The following PTPRR variants were observed in gnomAD, a reference collection of about 807,000 sequenced individuals.
PTPRR encodes protein tyrosine phosphatase receptor type R.
PTPRR carries 38 observed loss-of-function variants against 77.2 expected under a neutral mutation model. The observed-to-expected ratio is 0.49, with a 90% CI of 0.38 to 0.65. The LOEUF is 0.65. Among genes scored for constraint, PTPRR ranks in the 30% least tolerant of loss-of-function variants. PTPRR has a pLI of 0.00. For synonymous variants in PTPRR, 299 were observed against 283.1 expected (o/e 1.06, Z -0.57); for missense variants, 744 against 799.2 (o/e 0.93, Z 0.83).
intron 1 of PTPRR, among the ~76,000 whole-genome samples, chr12:70,900,052 T>C (rs1378150736): frequency 6.6e-6 from 1 of 151,472 alleles, no homozygotes; most frequent in Non-Finnish European, 1.5e-5. Flanking sequence ...ACAACAAATA[T>C]ACTATGTTCA....
intron 7 of PTPRR, among the ~76,000 whole-genome samples, chr12:70,700,576 G>T (rs1888386281): frequency 6.6e-6 from 1 of 152,064 alleles, no homozygotes; most frequent in Non-Finnish European, 1.5e-5. Context: ...ACTTCTTGTA[G>T]ATTCCTACAG....
chr12:70,738,486 T>C (rs1889946191), intron 6 of PTPRR, among the ~76,000 whole-genome samples: 1 of 152,220 alleles, frequency 6.6e-6, no homozygotes. Flanking sequence ...TTGCACAGTG[T>C]TTACTTGTAA....
chr12:70,726,712 C>G (rs11178379), intron 6 of PTPRR, among the ~76,000 whole-genome samples: 2 of 151,746 alleles, frequency 1.3e-5, no homozygotes, highest in Admixed American at 1.3e-4. Context: ...TCCCAAGTAG[C>G]TGGGATTACA....
At chr12:70,919,673 G>GTTTTTTTTTTTTTTTT (rs58439089) in intron 1 of PTPRR, among the ~76,000 whole-genome samples, 5 of 110,082 alleles carry the variant, frequency 4.5e-5, no homozygotes, top group South Asian at 2.9e-4. Flanking sequence ...AACTGTAATT[G>GTTTTTTTTTTTTTTTT]TTTTTTTTTT....
intron 1 of PTPRR, among the ~76,000 whole-genome samples, chr12:70,917,009 A>G (rs770492704): frequency 1.2e-3 from 185 of 152,212 alleles, no homozygotes; most frequent in Non-Finnish European, 2.3e-3. Flanking sequence ...AATTTTTAAT[A>G]TATCTCAAAA....
intron 2 of PTPRR, among the ~76,000 whole-genome samples, chr12:70,803,649 A>G (rs1891656936): frequency 6.6e-6 from 1 of 152,148 alleles, no homozygotes; most frequent in Non-Finnish European, 1.5e-5. Flanking sequence ...GGAGAAACAG[A>G]AGGAAGTCAT....
At chr12:70,771,069 G>A (rs1463962078) in intron 2 of PTPRR, among the ~76,000 whole-genome samples, 1 of 151,464 alleles carries the variant, frequency 6.6e-6, no homozygotes, top group African/African-American at 2.4e-5. Flanking sequence ...ACGAGTCAAC[G>A]GGTGCAGCAC....
At chr12:70,747,072 C>G (rs543137201) in intron 5 of PTPRR, among the ~76,000 whole-genome samples, 15 of 152,242 alleles carry the variant, frequency 9.9e-5, no homozygotes, top group African/African-American at 3.6e-4. Flanking sequence ...TTTATAATAA[C>G]TACTTTCAAG....
At chr12:70,715,032 T>TG (rs916182147) in intron 6 of PTPRR, among the ~76,000 whole-genome samples, 8 of 151,908 alleles carry the variant, frequency 5.3e-5, no homozygotes, top group African/African-American at 2.4e-5. Flanking sequence ...TAATTTTTTT[T>TG]TTGTTATTTA....
At chr12:70,796,642 A>G (rs546912388) in intron 2 of PTPRR, among the ~76,000 whole-genome samples, 17 of 152,326 alleles carry the variant, frequency 1.1e-4, no homozygotes, top group East Asian at 9.7e-4. Flanking sequence ...GGGGATCACA[A>G]TAGACATAAA....
At chr12:70,757,589 GT>G (rs1005886478) in intron 4 of PTPRR, among the ~76,000 whole-genome samples, 8 of 152,000 alleles carry the variant, frequency 5.3e-5, no homozygotes, top group Admixed American at 6.6e-5. Flanking sequence ...TTCTAGTTGG[GT>G]TTTTTTGTTT....
intron 10 of PTPRR, among the ~76,000 whole-genome samples, chr12:70,663,458 C>T (rs571018794): frequency 6.6e-6 from 1 of 152,264 alleles, no homozygotes; most frequent in Non-Finnish European, 1.5e-5. Flanking sequence ...ATAGAGTAAG[C>T]ACTTACAACA....
intron 10 of PTPRR, among the ~76,000 whole-genome samples, chr12:70,669,451 T>A (rs1887129759): frequency 2.7e-5 from 4 of 146,782 alleles, no homozygotes; most frequent in Admixed American, 1.4e-4. Flanking sequence ...TATATGCTAT[T>A]TATATATATA....
intron 2 of PTPRR, among the ~76,000 whole-genome samples, chr12:70,851,747 A>G (rs369095949): frequency 5.9e-5 from 9 of 152,242 alleles, no homozygotes; most frequent in African/African-American, 2.2e-4. Context: ...AAAAATGCCT[A>G]TTGTAAATGC....
rs752171922 is a variant in PTPRR at position 70,656,798 on chromosome 12, C to G, written c.1786G>C (p.Gly596Arg). The G allele has an allele frequency of 6.2e-7, 1 of 1,612,336 alleles. No individual in the cohort carries two copies. The highest frequency in any genetic ancestry group is 1.1e-5 in the South Asian group (1 of 91,048). Reference protein sequence around the residue: ...VHCSAGIGRTGCFIATSIGCQ... With the variant: ...VHCSAGIGRTRCFIATSIGCQ... The stretch of plus-strand genomic sequence containing the variant: ...CCAATGGATGTAGCAATAAAACACC[C>G]TGTTCTACCTATTCCTGCACTGAAA... Residue 596 changes from glycine to arginine, a missense_variant, in exon 13 of 14, where the codon GGG becomes CGG. Around this residue, in one of 3 missense-constraint regions of PTPRR, gnomAD observed 170 missense variants for 209.8 expected, o/e 0.81. Coordinates refer to ENST00000283228, the MANE Select transcript of PTPRR (RefSeq NM_002849.4).
chr12:70,695,523 C>G (rs565902762), intron 8 of PTPRR, among the ~76,000 whole-genome samples: 1 of 152,120 alleles, frequency 6.6e-6, no homozygotes, highest in Non-Finnish European at 1.5e-5. Context: ...CTGAATCCAG[C>G]GGTCCACCCA....
intron 6 of PTPRR, among the ~76,000 whole-genome samples, chr12:70,742,820 T>C (rs1890094008): frequency 1.3e-5 from 2 of 152,100 alleles, no homozygotes; most frequent in African/African-American, 4.8e-5. Context: ...CTTCATAATG[T>C]TCGGCTATAT....
At chr12:70,658,540 G>A (rs1566048477) in intron 12 of PTPRR, among the ~76,000 whole-genome samples, 1 of 152,064 alleles carries the variant, frequency 6.6e-6, no homozygotes, top group Non-Finnish European at 1.5e-5. Context: ...AATATTCTAG[G>A]TACGACAATG....
At chr12:70,865,060 G>A (rs140738720) in intron 2 of PTPRR, among the ~76,000 whole-genome samples, 5 of 152,158 alleles carry the variant, frequency 3.3e-5, no homozygotes, top group East Asian at 1.9e-4. Context: ...TGATCCGCCC[G>A]CCTTGGCCTC....
Sources: allele counts gnomAD v4.1 joint callset (sites outside exome capture counted in the v4.1 genomes callset), GRCh38; gene constraint gnomAD v4.1.1; regional missense constraint gnomAD v4.1.1; transcripts MANE v1.5; gene names NCBI Gene and HGNC (gene_info 2026-07-23, HGNC 2026-07-21).